The following PPP1R14C variants were observed in gnomAD, a reference collection of about 807,000 sequenced individuals.
The protein encoded by PPP1R14C is protein phosphatase 1 regulatory subunit 14C.
Under a neutral mutation model 20.4 loss-of-function variants are expected in PPP1R14C, and 16 were observed. That is an observed-to-expected ratio of 0.78 (90% CI 0.53 to 1.19). The LOEUF is 1.19. Among genes scored for constraint, PPP1R14C ranks in the 50% most tolerant of loss-of-function variants. The pLI is 0.00. For missense variants in PPP1R14C, 211 were observed against 220.1 expected (o/e 0.96, Z 0.26); for synonymous variants, 91 against 91.0 (o/e 1.00, Z 0.00).
Position 150,214,766 on chromosome 6 carries a change from A to C in PPP1R14C, c.329A>C (p.Glu110Ala). Reference protein sequence around the residue: ...GCEEEEMPEVEIDIDDLLDAD... With the variant: ...GCEEEEMPEVAIDIDDLLDAD... ...CAGGAAGAAGAAATGCCAGAGGTAG[A>C]AATTGACATTGATGATCTTCTTGAT... The change falls in exon 2 of 4, where the codon GAA becomes GCA. Residue 110 changes from glutamate to alanine, a missense_variant. Coordinates refer to ENST00000361131, the MANE Select transcript of PPP1R14C (RefSeq NM_030949.3). The C allele has an allele frequency of 6.2e-7, 1 of 1,613,376 alleles. No individual in the cohort carries two copies. The highest frequency in any genetic ancestry group is 8.5e-7 in the Non-Finnish European group (1 of 1,179,648).
At chr6:150,178,188 G>A (rs894193531) in intron 1 of PPP1R14C, among the ~76,000 whole-genome samples, 13 of 152,184 alleles carry the variant, frequency 8.5e-5, no homozygotes, top group Non-Finnish European at 1.5e-4. Flanking sequence ...AGTTGCTGGC[G>A]CCACCTCAGC....
chr6:150,158,708 A>G (rs1777332300), intron 1 of PPP1R14C, among the ~76,000 whole-genome samples: 1 of 152,048 alleles, frequency 6.6e-6, no homozygotes, highest in Admixed American at 6.6e-5. Flanking sequence ...TGTTTTTTAG[A>G]AGGGGTGGGC....
intron 1 of PPP1R14C, among the ~76,000 whole-genome samples, chr6:150,180,542 A>G (rs1777610296): frequency 6.6e-6 from 1 of 152,248 alleles, no homozygotes; most frequent in South Asian, 2.1e-4. Context: ...AGCATTATAT[A>G]AGGAACTCTG....
rs376291364 is a variant in PPP1R14C at position 150,229,870 on chromosome 6, C to G, written c.423+13014C>G. On this transcript the variant is annotated intron_variant, in intron 3 of 3. Transcript: ENST00000361131. ...GAACCTCTCGAAAGATAAAAACAAC[C>G]CCTGCCCCCCAAAAAGAAGGGGGAA... is the stretch of plus-strand genomic sequence containing the variant. 7.2e-5 allele frequency among the ~76,000 whole-genome samples: 11 copies of G among 152,182 alleles called. 1 individual carries two copies. In the South Asian group the frequency reaches 2.3e-3, roughly 32 times the overall value.
intron 1 of PPP1R14C, among the ~76,000 whole-genome samples, chr6:150,184,357 G>C (rs1284938477): frequency 1.3e-5 from 2 of 152,198 alleles, no homozygotes; most frequent in Admixed American, 1.3e-4. Context: ...CTGGTAGATA[G>C]TATCTGGCAC....
intron 1 of PPP1R14C, among the ~76,000 whole-genome samples, chr6:150,170,233 G>A (rs1777481070): frequency 6.6e-6 from 1 of 152,052 alleles, no homozygotes; most frequent in East Asian, 1.9e-4. Context: ...AATACAATCT[G>A]CCACACAAGA....
rs1311053700 is a variant in PPP1R14C, at chr6:150,236,638, T to TGTGTGTGTGTGC, written c.424-12107_424-12106insTGTGTGTGTGCG. Among the ~76,000 whole-genome samples, 619 of 142,150 alleles carry TGTGTGTGTGTGC rather than the reference T, an allele frequency of 4.4e-3. 8 individuals are homozygous for TGTGTGTGTGTGC. The highest frequency in any genetic ancestry group is 0.014 in the African/African-American group (567 of 40,474). The allele number at this position is 142,150 out of a possible 152,430, so 93.3% of individuals were successfully genotyped here. A position where few individuals can be genotyped will look rare whatever the true frequency, so the allele number is the denominator to read the frequency against. ...CTGTGTGTGTGTGTGTGTGTGTGTG[T>TGTGTGTGTGTGC]GCGCGTGTGTGTGTTTAGCCAGGAG... On this transcript the variant is annotated intron_variant, in intron 3 of 3. Coordinates refer to ENST00000361131, the MANE Select transcript of PPP1R14C (RefSeq NM_030949.3).
chr6:150,217,247 G>A (rs1156774730), intron 3 of PPP1R14C, among the ~76,000 whole-genome samples: 3 of 150,518 alleles, frequency 2.0e-5, no homozygotes, highest in African/African-American at 7.3e-5. Flanking sequence ...GCAGGTTGGA[G>A]TGCAGTGGTG....
intron 3 of PPP1R14C, among the ~76,000 whole-genome samples, chr6:150,232,830 A>T (rs545864512): frequency 4.6e-5 from 7 of 152,370 alleles, no homozygotes; most frequent in Admixed American, 2.0e-4. Flanking sequence ...ACAATTCCTT[A>T]TTCAAAGTGT....
intron 3 of PPP1R14C, among the ~76,000 whole-genome samples, chr6:150,225,635 A>C (rs1433916838): frequency 6.6e-6 from 1 of 152,202 alleles, no homozygotes; most frequent in Non-Finnish European, 1.5e-5. Flanking sequence ...CTTCTTACAT[A>C]CCTGACTGGA....
Position 150,172,524 on chromosome 6 carries a change from G to C in PPP1R14C, c.306+29026G>C, listed in dbSNP as rs193036700. Among the ~76,000 whole-genome samples, 21 of 152,292 alleles carry C rather than the reference G, an allele frequency of 1.4e-4. No individual in the cohort carries two copies. In the East Asian group the frequency reaches 3.1e-3, roughly 22 times the overall value. ...AGGTACAGCTGAGTGCAGATCCCCA[G>C]CTCTGAGCATCACTGGGTGTGTGAC... On this transcript the variant is annotated intron_variant, in intron 1 of 3. Transcript: ENST00000361131.
At chr6:150,184,153 A>G (rs990013178) in intron 1 of PPP1R14C, among the ~76,000 whole-genome samples, 1 of 152,230 alleles carries the variant, frequency 6.6e-6, no homozygotes, top group African/African-American at 2.4e-5. Flanking sequence ...GTAGTCACAC[A>G]TCCAAGTGCG....
At chr6:150,180,848 T>C (rs1448382543) in intron 1 of PPP1R14C, among the ~76,000 whole-genome samples, 2 of 152,162 alleles carry the variant, frequency 1.3e-5, no homozygotes, top group Non-Finnish European at 2.9e-5. Context: ...CTGGACTACA[T>C]CAGCAGGTCT....
At chr6:150,192,032 A>G (rs1241164010) in intron 1 of PPP1R14C, among the ~76,000 whole-genome samples, 1 of 152,000 alleles carries the variant, frequency 6.6e-6, no homozygotes, top group Non-Finnish European at 1.5e-5. Context: ...TTTGTTTCTC[A>G]ATGTCTCCCT....
At chr6:150,246,186 AT>A (rs1217347012) in intron 3 of PPP1R14C, among the ~76,000 whole-genome samples, 1 of 152,152 alleles carries the variant, frequency 6.6e-6, no homozygotes, top group East Asian at 1.9e-4. Context: ...TGTAGGGTCG[AT>A]TATTCCTTAT....
chr6:150,180,738 G>C (rs756313263), intron 1 of PPP1R14C, among the ~76,000 whole-genome samples: 1 of 152,134 alleles, frequency 6.6e-6, no homozygotes, highest in Non-Finnish European at 1.5e-5. Flanking sequence ...TGGCTGGGGT[G>C]GGGGCGGAGT....
intron 3 of PPP1R14C, among the ~76,000 whole-genome samples, chr6:150,229,138 C>T (rs768708772): frequency 1.3e-5 from 2 of 152,144 alleles, no homozygotes; most frequent in African/African-American, 2.4e-5. Context: ...CAATGTGACA[C>T]ATGACTTTAA....
intron 1 of PPP1R14C, among the ~76,000 whole-genome samples, chr6:150,173,093 A>G (rs1167368659): frequency 6.6e-6 from 1 of 151,974 alleles, no homozygotes; most frequent in Non-Finnish European, 1.5e-5. Flanking sequence ...TTCCCCATGT[A>G]CCCTTCACCC....
At chr6:150,241,809 C>G (rs1268380364) in intron 3 of PPP1R14C, among the ~76,000 whole-genome samples, 1 of 152,188 alleles carries the variant, frequency 6.6e-6, no homozygotes, top group African/African-American at 2.4e-5. Context: ...ATCGCTTGAA[C>G]CCGGGAGGCG....
Sources: gnomAD v4.1 joint callset for allele counts (sites outside exome capture counted in the v4.1 genomes callset) on GRCh38, gnomAD v4.1.1 for gene constraint, MANE v1.5 for transcripts, NCBI Gene and HGNC (gene_info 2026-07-23, HGNC 2026-07-21) for gene names.